The following KANK2 variants were observed in gnomAD, a reference collection of about 807,000 sequenced individuals.
KANK2 encodes the protein KN motif and ankyrin repeat domains 2.
KANK2 carries 41 observed loss-of-function variants against 74.6 expected under a neutral mutation model. The ratio of observed to expected loss-of-function variants is 0.55; its 90% CI spans 0.43 to 0.71. The LOEUF is 0.71. Ranked by LOEUF, KANK2 falls within the 30% of genes least tolerant of loss-of-function variation. KANK2 has a pLI of 0.00. For missense variants in KANK2, 1,148 were observed against 1,196.4 expected (o/e 0.96, Z 0.60); for synonymous variants, 537 against 519.0 (o/e 1.03, Z -0.47).
Position 11,194,460 on chromosome 19 carries a change from C to A in KANK2, c.37+15G>T. 6.2e-7 allele frequency: 1 copy of A among 1,607,504 alleles called. No individual in the cohort carries two copies. Among genetic ancestry groups the A allele is most frequent in the Non-Finnish European group, 8.5e-7 (1 of 1,176,020 alleles). On this transcript the variant is annotated intron_variant, in intron 3 of 12. Transcript: ENST00000586659. ...AGCTCCCCGGGGCAGGGCCCTCTTCCCTGAGTCCCCTGACCTGGGAAGGGA... is the reference window on the plus strand; with the variant it reads ...AGCTCCCCGGGGCAGGGCCCTCTTCACTGAGTCCCCTGACCTGGGAAGGGA...
intron 4 of KANK2, among the ~76,000 whole-genome samples, chr19:11,185,856 G>C (rs2078659437): frequency 6.6e-6 from 1 of 151,110 alleles, no homozygotes; most frequent in South Asian, 2.1e-4. Context: ...CTGAACAACA[G>C]AGCAAGACCC....
chr19:11,194,400 C>T (rs1384090723), intron 3 of KANK2, 75 bp downstream of exon 3: 2 of 1,230,242 alleles, frequency 1.6e-6, no homozygotes, highest in Non-Finnish European at 2.4e-6. Context: ...GTCCCCAGGG[C>T]AAGGTCCCCA....
At chr19:11,184,906 G>A (rs978032687) in intron 4 of KANK2, among the ~76,000 whole-genome samples, 3 of 147,726 alleles carry the variant, frequency 2.0e-5, no homozygotes, top group African/African-American at 7.5e-5. Context: ...TCTGCCTCGC[G>A]AGGTCAAGTG....
rs540314705 is a variant in KANK2 at position 11,193,704 on chromosome 19, G to A, written c.376C>T (p.Arg126Cys). 19 of 1,611,672 alleles carry A rather than the reference G, an allele frequency of 1.2e-5. No individual in the cohort carries two copies. The highest frequency in any genetic ancestry group is 4.5e-5 in the East Asian group (2 of 44,842). ...TRGGFNPRVERTLLDARRRLE... is the reference protein window; with the variant it reads ...TRGGFNPRVECTLLDARRRLE... ...CGGCGACGGGCATCCAGCAGCGTGC[G>A]CTCCACCCGCGGATTGAAGCCACCG... The change falls in exon 4 of 13, where the codon CGC becomes TGC. Residue 126 changes from arginine to cysteine, a missense_variant. Coordinates refer to ENST00000586659, the MANE Select transcript of KANK2 (RefSeq NM_001136191.3). This position sits in a 1 kb window ranked among gnomAD's most constrained non-coding sequence, Gnocchi z 9.6.
Position 11,194,053 on chromosome 19 carries a change from G to C in KANK2, c.38-11C>G. On this transcript the variant is annotated splice_polypyrimidine_tract_variant and intron_variant, in intron 3 of 12. Transcript: ENST00000586659. ...CTGGGCCAGGGGTCCCTGGGGATGGGAGAAACACCAGGACCTTTGAATCCT... is the reference window on the plus strand; with the variant it reads ...CTGGGCCAGGGGTCCCTGGGGATGGCAGAAACACCAGGACCTTTGAATCCT... 6.3e-7 allele frequency: 1 copy of C among 1,592,870 alleles called. No homozygotes were observed. Among genetic ancestry groups the C allele is most frequent in the Non-Finnish European group, 8.6e-7 (1 of 1,169,198 alleles).
intron 4 of KANK2, among the ~76,000 whole-genome samples, chr19:11,186,401 A>G (rs2078676607): frequency 7.3e-6 from 1 of 136,532 alleles, no homozygotes; most frequent in Admixed American, 6.8e-5. Context: ...AAATAAAAAA[A>G]GAAAGAAAGA....
chr19:11,178,572 G>A lies in KANK2; in HGVS notation c.1398C>T (p.Ser466=), dbSNP rs143583367. 1.6e-5 allele frequency: 26 copies of A among 1,604,032 alleles called. 1 individual carries two copies. The highest frequency in any genetic ancestry group is 1.2e-4 in the South Asian group (11 of 89,864). The part of the protein sequence containing the change: ...EPTRQAASQE[S]EEAGGTGGPP... ...ACTTACCGGTGCCCCCGGCCTCCTCGGACTCTTGGGAGGCTGCTTGCCTGG... is the reference window on the plus strand; with the variant it reads ...ACTTACCGGTGCCCCCGGCCTCCTCAGACTCTTGGGAGGCTGCTTGCCTGG... Residue 466 remains serine, a synonymous_variant, in exon 5 of 13, where the codon TCC becomes TCT. Transcript: ENST00000586659.
At chr19:11,194,761 C>T in intron 2 of KANK2, 171 bp from the exon 3 acceptor site, 1 of 453,136 alleles carries the variant, frequency 2.2e-6, no homozygotes, top group Non-Finnish European at 4.1e-6. Flanking sequence ...GACCCCCTCC[C>T]CCCCGCAGGT....
rs2078912369 is a variant in KANK2, at chr19:11,193,320, CG to C, written c.759del (p.Asp254IlefsTer80). 3 of 1,612,552 alleles carry C rather than the reference CG, an allele frequency of 1.9e-6. No individual in the cohort carries two copies. Among genetic ancestry groups the C allele is most frequent in the Non-Finnish European group, 2.5e-6 (3 of 1,179,942 alleles). ...AGTGCCACTGGGTCCTCTGGGGGAT[CG>C]GGGAGGTCCAGGCAGAGCTCGCTGC... ...RGRSELCLDL[P>X]DPPEDPVALE... On this transcript the variant is annotated frameshift_variant, in exon 4 of 13. Coordinates refer to ENST00000586659, the MANE Select transcript of KANK2 (RefSeq NM_001136191.3). LOFTEE classifies it high-confidence loss of function. The surrounding 1 kb of genome is among the most constrained non-coding windows in gnomAD (Gnocchi z 9.6).
intron 6 of KANK2, among the ~76,000 whole-genome samples, chr19:11,177,943 C>T (rs1040939280): frequency 7.9e-5 from 12 of 152,150 alleles, no homozygotes; most frequent in African/African-American, 2.2e-4. Flanking sequence ...CCTTCTGGGA[C>T]TCCCCTAGGG....
Position 11,170,300 on chromosome 19 carries a change from C to G in KANK2, c.2212-52G>C. 1 of 1,509,594 alleles carries G rather than the reference C, an allele frequency of 6.6e-7. No homozygotes were observed. The highest frequency in any genetic ancestry group is 9.1e-7 in the Non-Finnish European group (1 of 1,099,370). The allele number at this position is 1,509,594 out of a possible 1,614,324, so 93.5% of individuals were successfully genotyped here. A position where few individuals can be genotyped will look rare whatever the true frequency, so the allele number is the denominator to read the frequency against. ...GGTTCATGCAGGCCCCAGGGCAGGA[C>G]ACCCCCTGGTCTAGAACCTGCTGTA... On this transcript the variant is annotated intron_variant, in intron 10 of 12. Transcript: ENST00000586659. The surrounding 1 kb of genome is among the most constrained non-coding windows in gnomAD (Gnocchi z 5.2).
rs904661125 is a variant in KANK2, at chr19:11,166,743, G to A, written c.2503-132C>T. ...CGTGGCCCCTGGCCCCAAGGAGGTG[G>A]CGATCTGGGGGCACCGCCTTGAAGA... is the stretch of plus-strand genomic sequence containing the variant. On this transcript the variant is annotated intron_variant, in intron 12 of 12. Coordinates refer to ENST00000586659, the MANE Select transcript of KANK2 (RefSeq NM_001136191.3). 5.2e-6 allele frequency: 4 copies of A among 772,118 alleles called. No individual in the cohort carries two copies. In the Admixed American group the frequency reaches 8.7e-5, roughly 17 times the overall value. The allele number at this position is 772,118 out of a possible 1,614,324, so 47.8% of individuals were successfully genotyped here.
chr19:11,168,955 G>A (rs1228522402), intron 12 of KANK2, among the ~76,000 whole-genome samples: 5 of 152,126 alleles, frequency 3.3e-5, no homozygotes, highest in Non-Finnish European at 7.3e-5. Flanking sequence ...TAATCCCAGC[G>A]CTTTCAGAGG....
rs1290120236 is a variant in KANK2 at position 11,197,514 on chromosome 19, G to C, written c.-308C>G. 5.3e-5 allele frequency: 8 copies of C among 152,232 alleles called. No homozygotes were observed. The highest frequency in any genetic ancestry group is 5.2e-4 in the Admixed American group (8 of 15,282). 9.4% of individuals were successfully genotyped at this position (152,232 alleles called of 1,614,324 possible). On this transcript the variant is annotated 5_prime_UTR_variant, in exon 1 of 13. Coordinates refer to ENST00000586659, the MANE Select transcript of KANK2 (RefSeq NM_001136191.3). ...CGCGCTCCGGCCGCTGCCTTCCCTG[G>C]GTCCCGCCGCCCGAGCGTCTTCGCG... is the stretch of plus-strand genomic sequence containing the variant.
chr19:11,185,823 C>T (rs573901352), intron 4 of KANK2, among the ~76,000 whole-genome samples: 1 of 132,830 alleles, frequency 7.5e-6, no homozygotes, highest in South Asian at 2.2e-4. Flanking sequence ...TGGATCACTT[C>T]AGCCCTGGAG....
chr19:11,183,721 G>A (rs564766621), intron 4 of KANK2, among the ~76,000 whole-genome samples: 11 of 151,602 alleles, frequency 7.3e-5, no homozygotes, highest in Non-Finnish European at 1.3e-4. Flanking sequence ...AGCCATCTCA[G>A]CTCACTGCAA....
At chr19:11,179,461 A>G (rs1219430594) in intron 4 of KANK2, among the ~76,000 whole-genome samples, 1 of 151,454 alleles carries the variant, frequency 6.6e-6, no homozygotes, top group Non-Finnish European at 1.5e-5. Flanking sequence ...ACATGGTGAA[A>G]CCCCATCTCT....
intron 4 of KANK2, among the ~76,000 whole-genome samples, chr19:11,183,509 GAC>G (rs1483393383): frequency 1.3e-5 from 2 of 152,200 alleles, no homozygotes; most frequent in African/African-American, 4.8e-5. Context: ...TTCATCCAGT[GAC>G]ACAGTCTCAC....
chr19:11,192,626 G>A, intron 4 of KANK2: 1 of 582,320 alleles, frequency 1.7e-6, no homozygotes, highest in East Asian at 3.5e-5. Context: ...AGTAGAGATG[G>A]GTTTCACCAT....
Sources: gnomAD v4.1 joint callset for allele counts (sites outside exome capture counted in the v4.1 genomes callset) on GRCh38, gnomAD v4.1.1 for gene constraint, Gnocchi (gnomAD v3.1) non-coding constraint, MANE v1.5 for transcripts, NCBI Gene and HGNC (gene_info 2026-07-23, HGNC 2026-07-21) for gene names.